CARF: variants seen among roughly 807,000 people sequenced by gnomAD.
CARF encodes calcium responsive transcription factor.
Under a neutral mutation model 82.0 loss-of-function variants are expected in CARF, and 57 were observed. The ratio of observed to expected loss-of-function variants is 0.70; its 90% CI spans 0.56 to 0.87. The LOEUF is 0.87. Among genes scored for constraint, CARF ranks in the 40% least tolerant of loss-of-function variants. The pLI, the probability that CARF is intolerant of heterozygous loss-of-function variation, is 0.00. For synonymous variants in CARF, 268 were observed against 290.1 expected, an observed-to-expected ratio of 0.92 and a Z score of 0.77; for missense variants, 771 against 855.8, an observed-to-expected ratio of 0.90 and a Z score of 1.24.
intron 3 of CARF, chr2:202,925,332 C>T (rs1423304570): frequency 3.1e-6 from 1 of 325,076 alleles, no homozygotes; most frequent in East Asian, 7.9e-5. Context: ...AAGAGGAGAT[C>T]TGTGAGCTGT....
chr2:202,971,464 A>T (rs551381935), intron 11 of CARF, 41 bp from the exon 12 acceptor site: 1 of 1,198,694 alleles, frequency 8.3e-7, no homozygotes, highest in Non-Finnish European at 1.2e-6. Context: ...AATAATTTTA[A>T]TGTTTAAATT....
At chr2:202,940,977 T>C (rs1488564034) in intron 3 of CARF, among the ~76,000 whole-genome samples, 1 of 152,086 alleles carries the variant, frequency 6.6e-6, no homozygotes, top group Non-Finnish European at 1.5e-5. Context: ...CAGTATCTAT[T>C]TGCCATATTG....
intron 14 of CARF, among the ~76,000 whole-genome samples, chr2:202,978,699 A>T (rs2060129296): frequency 6.6e-6 from 1 of 152,194 alleles, no homozygotes; most frequent in South Asian, 2.1e-4. Flanking sequence ...CTTCCCATGT[A>T]TTGGTGCAGG....
At chr2:202,936,839 G>A (rs2105783058) in intron 3 of CARF, among the ~76,000 whole-genome samples, 1 of 152,098 alleles carries the variant, frequency 6.6e-6, no homozygotes, top group Non-Finnish European at 1.5e-5. Context: ...TCTTTTACTT[G>A]TCCTATTGGT....
At chr2:202,978,063 C>T (rs2060104505) in intron 14 of CARF, among the ~76,000 whole-genome samples, 1 of 152,184 alleles carries the variant, frequency 6.6e-6, no homozygotes, top group Non-Finnish European at 1.5e-5. Context: ...CCAATCTGAT[C>T]TCAAACTCCT....
intron 3 of CARF, among the ~76,000 whole-genome samples, chr2:202,935,227 A>AAT (rs567435475): frequency 1.4e-4 from 20 of 141,548 alleles, no homozygotes; most frequent in Admixed American, 1.3e-3. Context: ...TTACTATACT[A>AAT]ATATATATAT....
At chr2:202,914,198 G>A (rs1480100697) in intron 1 of CARF, among the ~76,000 whole-genome samples, 5 of 152,124 alleles carry the variant, frequency 3.3e-5, no homozygotes, top group African/African-American at 1.2e-4. Context: ...TTTACTATAT[G>A]GTCCTCATGG....
Position 202,952,634 on chromosome 2 carries a change from G to C in CARF, c.382G>C (p.Val128Leu). The C allele has an allele frequency of 6.2e-7, 1 of 1,613,888 alleles. No homozygotes were observed. The highest frequency in any genetic ancestry group is 8.5e-7 in the Non-Finnish European group (1 of 1,179,948). The change falls in exon 6 of 17, where the codon GTG becomes CTG. Residue 128 changes from valine (V) to leucine (L), a missense_variant. Physicochemically the swap from Val to Leu is conservative, Grantham distance 32. Coordinates refer to ENST00000438828, the MANE Select transcript of CARF (RefSeq NM_024744.17). Reference protein sequence around the residue: ...IPPTQTGMAQVIIPQGQLVDV... With the variant: ...IPPTQTGMAQLIIPQGQLVDV... ...ACCTACCCAGACAGGAATGGCACAA[G>C]TGATTATACCTCAGGGGCAACTTGT...
intron 10 of CARF, among the ~76,000 whole-genome samples, chr2:202,969,140 A>T (rs2059673108): frequency 6.6e-6 from 1 of 152,066 alleles, no homozygotes; most frequent in South Asian, 2.1e-4. Flanking sequence ...AAATACAAAA[A>T]AAATTAGCCA....
rs1336599730 is a variant in CARF, at chr2:202,964,328, G to A, written c.833-2650G>A. Among the ~76,000 whole-genome samples, 3 of 152,186 alleles carry A rather than the reference G, an allele frequency of 2.0e-5. No individual in the cohort carries two copies. In the East Asian group the frequency reaches 5.8e-4, roughly 29 times the overall value. On this transcript the variant is annotated intron_variant, in intron 9 of 16. Transcript: ENST00000438828. Reference sequence around the variant, plus strand: ...GGGGTCTCACTCTGTCACCCAGGCTGGAGTACAGTGGTGTGATCTCAGCTC... The same window carrying A: ...GGGGTCTCACTCTGTCACCCAGGCTAGAGTACAGTGGTGTGATCTCAGCTC...
chr2:202,938,612 T>G (rs138455288), intron 3 of CARF, among the ~76,000 whole-genome samples: 1 of 135,780 alleles, frequency 7.4e-6, no homozygotes, highest in African/African-American at 2.6e-5. Context: ...TTCCTTTCAC[T>G]CTCTTTTCTG....
At chr2:202,939,220 T>C (rs1384645382) in intron 3 of CARF, among the ~76,000 whole-genome samples, 3 of 152,248 alleles carry the variant, frequency 2.0e-5, no homozygotes, top group African/African-American at 4.8e-5. Context: ...TCTCTTCAAA[T>C]ACAGATGATC....
chr2:202,969,338 G>A (rs1400295514), intron 10 of CARF, among the ~76,000 whole-genome samples: 1 of 152,118 alleles, frequency 6.6e-6, no homozygotes, highest in Admixed American at 6.5e-5. Flanking sequence ...CACTTCAGGA[G>A]GCCGAGGTGG....
At chr2:202,966,574 G>T (rs1024741225) in intron 9 of CARF, among the ~76,000 whole-genome samples, 7 of 152,114 alleles carry the variant, frequency 4.6e-5, no homozygotes, top group Non-Finnish European at 7.4e-5. Context: ...GCCTGGCGTG[G>T]TGGCACACGC....
rs1553584483 is a variant in CARF at position 202,986,875 on chromosome 2, T to TATATATATATATAC, written c.*3264_*3265insCATATATATATATA. ...TTTAAAAAATGTCTGTGCGTATATA[T>TATATATATATATAC]ATATATATATATATATATATATATA... is the stretch of plus-strand genomic sequence containing the variant. On this transcript the variant is annotated 3_prime_UTR_variant, in exon 17 of 17. Coordinates refer to ENST00000438828, the MANE Select transcript of CARF (RefSeq NM_024744.17). 5 of 91,668 alleles carry TATATATATATATAC rather than the reference T, an allele frequency of 5.5e-5. No individual in the cohort carries two copies. Among genetic ancestry groups the TATATATATATATAC allele is most frequent in the African/African-American group, 1.9e-4 (5 of 25,850 alleles). 5.7% of individuals were successfully genotyped at this position (91,668 alleles called of 1,614,324 possible).
Position 202,942,802 on chromosome 2 carries a change from G to T in CARF, c.141G>T (p.Leu47Phe). ...GACAAAATGATTCTCCTACAGTTTT[G>T]CCCATCACTACTCGTGAAGCAAATA... ...SFGQNDSPTVLPITTREANNS... is the reference protein window; with the variant it reads ...SFGQNDSPTVFPITTREANNS... Residue 47 changes from leucine (L) to phenylalanine (F), a missense_variant, in exon 5 of 17, where the codon TTG becomes TTT. Transcript: ENST00000438828. The T allele has an allele frequency of 1.9e-6, 3 of 1,613,078 alleles. No individual in the cohort carries two copies. Among genetic ancestry groups the T allele is most frequent in the Non-Finnish European group, 2.5e-6 (3 of 1,179,830 alleles).
rs185244601 is a variant in CARF, at chr2:202,916,557, G to A, written c.-329-1320G>A. Among the ~76,000 whole-genome samples the A allele has an allele frequency of 5.3e-5, 8 of 152,256 alleles. No individual in the cohort carries two copies. In the East Asian group the frequency reaches 1.2e-3, roughly 22 times the overall value. ...GATTTAAAGATCTTTTACATCTTAG[G>A]ACATTAACCAAGGTATCTGGAATTT... On this transcript the variant is annotated intron_variant, in intron 1 of 16. Coordinates refer to ENST00000438828, the MANE Select transcript of CARF (RefSeq NM_024744.17).
chr2:202,977,179 G>A, intron 13 of CARF, 90 bp from the exon 14 acceptor site: 1 of 939,372 alleles, frequency 1.1e-6, no homozygotes, highest in Non-Finnish European at 1.7e-6. Context: ...ATCACATACT[G>A]TGAATAAAAT....
intron 14 of CARF, among the ~76,000 whole-genome samples, chr2:202,980,999 C>T (rs765734215): frequency 2.0e-5 from 3 of 151,854 alleles, no homozygotes; most frequent in Non-Finnish European, 4.4e-5. Context: ...CTAGATCTAC[C>T]GAATTAAAAT....
Sources: gnomAD v4.1 joint callset for allele counts (sites outside exome capture counted in the v4.1 genomes callset) on GRCh38, gnomAD v4.1.1 for gene constraint, MANE v1.5 for transcripts, NCBI Gene and HGNC (gene_info 2026-07-23, HGNC 2026-07-21) for gene names.